CRTAC1: variants seen among roughly 807,000 people sequenced by gnomAD.
The protein encoded by CRTAC1 is acidic secreted protein in cartilage.
A neutral mutation model predicts 67.8 loss-of-function variants in CRTAC1; 37 were observed. The observed-to-expected ratio is 0.55, with a 90% CI of 0.42 to 0.72. The LOEUF (loss-of-function observed/expected upper bound fraction) is 0.72. Ranked by LOEUF, CRTAC1 falls within the 30% of genes least tolerant of loss-of-function variation. CRTAC1 has a pLI of 0.00. For missense variants in CRTAC1, 780 were observed against 931.6 expected, an observed-to-expected ratio of 0.84 and a Z score of 2.12; for synonymous variants, 348 against 371.0, an observed-to-expected ratio of 0.94 and a Z score of 0.71.
intron 1 of CRTAC1, among the ~76,000 whole-genome samples, chr10:98,018,890 A>C (rs557204372): frequency 6.6e-6 from 1 of 152,262 alleles, no homozygotes; most frequent in East Asian, 1.9e-4. Flanking sequence ...CTCAAGCAAC[A>C]CTGGAGAAGA....
At chr10:97,989,468 G>A (rs1842394147) in intron 2 of CRTAC1, among the ~76,000 whole-genome samples, 1 of 152,118 alleles carries the variant, frequency 6.6e-6, no homozygotes, top group African/African-American at 2.4e-5. Flanking sequence ...ATTGATCCTA[G>A]GCTACAAACC....
chr10:97,932,452 G>A (rs955355817), intron 3 of CRTAC1, among the ~76,000 whole-genome samples: 6 of 152,256 alleles, frequency 3.9e-5, no homozygotes, highest in Non-Finnish European at 5.9e-5. Flanking sequence ...TAGGAGAGAT[G>A]GACAACAAAC....
At chr10:97,990,869 A>G (rs1408217599) in intron 2 of CRTAC1, among the ~76,000 whole-genome samples, 1 of 152,150 alleles carries the variant, frequency 6.6e-6, no homozygotes, top group Non-Finnish European at 1.5e-5. Flanking sequence ...ATACAAGATA[A>G]CTTATTTTAC....
Position 97,871,513 on chromosome 10 carries a change from T to C in CRTAC1, c.1820-5799A>G, listed in dbSNP as rs191278686. The C allele has an allele frequency of 3.3e-5, 5 of 152,378 alleles. No individual in the cohort carries two copies. In the East Asian group the frequency reaches 7.7e-4, roughly 23 times the overall value. 9.4% of individuals were successfully genotyped at this position (152,378 alleles called of 1,614,324 possible). A position where few individuals can be genotyped will look rare whatever the true frequency, so the allele number is the denominator to read the frequency against. On this transcript the variant is annotated intron_variant, in intron 14 of 14. Coordinates refer to ENST00000370597, the MANE Select transcript of CRTAC1 (RefSeq NM_018058.7). ...TTATAGCAGGCTTCAGATTCTGGCA[T>C]AGAATAAACAGATATTTATCCAAGG...
At chr10:97,936,433 G>C (rs1043276626) in intron 2 of CRTAC1, 67 bp from the exon 3 acceptor site, 53 of 1,363,146 alleles carry the variant, frequency 3.9e-5, no homozygotes, top group Non-Finnish European at 5.3e-5. Flanking sequence ...CATCCAACCA[G>C]AGCAACGGGC....
intron 2 of CRTAC1, among the ~76,000 whole-genome samples, chr10:97,968,670 T>C (rs1220114410): frequency 6.6e-6 from 1 of 152,216 alleles, no homozygotes. Context: ...AGGAAGGCAG[T>C]GCCGCCCCAG....
chr10:97,929,231 C>T (rs1054172471), intron 3 of CRTAC1, among the ~76,000 whole-genome samples: 5 of 152,094 alleles, frequency 3.3e-5, no homozygotes, highest in Non-Finnish European at 7.4e-5. Context: ...GGCATGACTG[C>T]TTACAGAATA....
intron 12 of CRTAC1, 22 bp from the exon 13 acceptor site, chr10:97,882,850 A>C: frequency 1.2e-6 from 2 of 1,613,984 alleles, no homozygotes; most frequent in Non-Finnish European, 1.7e-6. Context: ...GCAGAAGCAG[A>C]GACATGAGTG....
chr10:97,889,906 T>A (rs548741018), intron 11 of CRTAC1, among the ~76,000 whole-genome samples: 1 of 152,240 alleles, frequency 6.6e-6, no homozygotes, highest in African/African-American at 2.4e-5. Context: ...CTTTCTCAGA[T>A]TCATGTTGTT....
chr10:97,955,330 T>C (rs906095560), intron 2 of CRTAC1, among the ~76,000 whole-genome samples: 3 of 152,206 alleles, frequency 2.0e-5, no homozygotes, highest in African/African-American at 7.2e-5. Flanking sequence ...GTCGTTCCAC[T>C]TGGATCTGAT....
intron 11 of CRTAC1, among the ~76,000 whole-genome samples, chr10:97,885,765 C>G (rs2050274375): frequency 6.6e-6 from 1 of 152,170 alleles, no homozygotes; most frequent in African/African-American, 2.4e-5. Flanking sequence ...TATCACCCAT[C>G]AGGGCTGAGC....
intron 14 of CRTAC1, chr10:97,871,177 A>G (rs2050089173): frequency 6.6e-6 from 1 of 152,168 alleles, no homozygotes; most frequent in Admixed American, 6.5e-5. Context: ...TCTTCCTCCA[A>G]GAGGATGTTC....
At chr10:97,996,747 G>T (rs1007641272) in intron 2 of CRTAC1, among the ~76,000 whole-genome samples, 2 of 152,126 alleles carry the variant, frequency 1.3e-5, no homozygotes, top group Non-Finnish European at 2.9e-5. Flanking sequence ...TATACCCAAA[G>T]GATTATAAAT....
chr10:97,866,831 TGTGA>T (rs2050032938), intron 14 of CRTAC1: 1 of 152,312 alleles, frequency 6.6e-6, no homozygotes, highest in African/African-American at 2.4e-5. Flanking sequence ...TGCATGTGTG[TGTGA>T]GTGTGTTTGT....
rs2050010753 is a variant in CRTAC1 at position 97,865,585 on chromosome 10, C to A, written c.1949G>T (p.Gly650Val). ...PVLVDGDLNLGSVVKESCEPS... is the reference protein window; with the variant it reads ...PVLVDGDLNLVSVVKESCEPS... ...CTCGCAGCTCTCCTTAACCACCGACCCCAGATTGAGATCTCCATCTACGAG... is the reference window on the plus strand; with the variant it reads ...CTCGCAGCTCTCCTTAACCACCGACACCAGATTGAGATCTCCATCTACGAG... Residue 650 changes from glycine to valine, a missense_variant, in exon 15 of 15, where the codon GGG becomes GTG. Transcript: ENST00000370597. 6.2e-7 allele frequency: 1 copy of A among 1,613,188 alleles called. No homozygotes were observed. Among genetic ancestry groups the A allele is most frequent in the Non-Finnish European group, 8.5e-7 (1 of 1,179,248 alleles).
At chr10:97,957,219 G>T (rs767820859) in intron 2 of CRTAC1, among the ~76,000 whole-genome samples, 2 of 152,148 alleles carry the variant, frequency 1.3e-5, no homozygotes, top group Non-Finnish European at 1.5e-5. Flanking sequence ...AGTCTCTCTG[G>T]AGAGGGTAAT....
intron 11 of CRTAC1, chr10:97,884,586 CAGTAGCCA>C: frequency 2.1e-6 from 1 of 475,836 alleles, no homozygotes; most frequent in East Asian, 3.3e-5. Context: ...CTGTCCAGTA[CAGTAGCCA>C]CTGGTAACAT....
chr10:97,977,948 C>G (rs1179224891), intron 2 of CRTAC1, among the ~76,000 whole-genome samples: 1 of 152,132 alleles, frequency 6.6e-6, no homozygotes, highest in Non-Finnish European at 1.5e-5. Flanking sequence ...GGAGGGGAGG[C>G]CTTTACCACC....
At position 97,896,038 on chromosome 10, in the gene CRTAC1, G is replaced by A. The variant is rs1050216940; in HGVS notation, c.1217-53C>T. ...GCCGTAATCCAGGAGACCCACAAAGGAGACACGCTCCCAACCAAGTGCAGT... is the reference window on the plus strand; with the variant it reads ...GCCGTAATCCAGGAGACCCACAAAGAAGACACGCTCCCAACCAAGTGCAGT... On this transcript the variant is annotated intron_variant, in intron 9 of 14. Transcript: ENST00000370597. The A allele has an allele frequency of 1.1e-5, 17 of 1,514,934 alleles. No individual in the cohort carries two copies. In the African/African-American group the frequency reaches 1.4e-4, roughly 12 times the overall value. 93.8% of individuals were successfully genotyped at this position (1,514,934 alleles called of 1,614,324 possible).
Sources: gnomAD v4.1 joint callset for allele counts (sites outside exome capture counted in the v4.1 genomes callset) on GRCh38, gnomAD v4.1.1 for gene constraint, MANE v1.5 for transcripts, NCBI Gene and HGNC (gene_info 2026-07-23, HGNC 2026-07-21) for gene names.